NCOA7: variants seen among roughly 807,000 people sequenced by gnomAD.
NCOA7 encodes the protein 140 kDa estrogen receptor-associated protein.
A neutral mutation model predicts 104.3 loss-of-function variants in NCOA7; 45 were observed. The observed-to-expected ratio is 0.43, with a 90% confidence interval of 0.34 to 0.55. The LOEUF is 0.55. Among genes scored for constraint, NCOA7 ranks in the 20% least tolerant of loss-of-function variants. NCOA7 has a pLI of 0.02. For missense variants in NCOA7, 1,041 were observed against 1,119.7 expected (o/e 0.93, Z 1.00); for synonymous variants, 398 against 402.3 (o/e 0.99, Z 0.13).
rs750860957 is a variant in NCOA7 at position 125,928,262 on chromosome 6, G to A, written c.2693+15G>A. ...GGTGGTGGAGGGTAAGGTTTTTTTT[G>A]TTTTTGTTTTCTTATTGTTATTTTA... On this transcript the variant is annotated intron_variant, in intron 15 of 15. Transcript: ENST00000392477. 22 of 1,595,472 alleles carry A rather than the reference G, an allele frequency of 1.4e-5. No homozygotes were observed. In the Admixed American group the frequency reaches 2.9e-4, roughly 21 times the overall value.
chr6:125,842,022 G>T (rs958124686), intron 2 of NCOA7, among the ~76,000 whole-genome samples: 3 of 151,238 alleles, frequency 2.0e-5, no homozygotes, highest in Non-Finnish European at 4.4e-5. Flanking sequence ...AGCAATGTCA[G>T]ATTAATATAA....
At position 125,915,632 on chromosome 6, in the gene NCOA7, A is replaced by G. The variant is rs1306405721; in HGVS notation, c.2244+152A>G. 5.7e-6 allele frequency: 5 copies of G among 873,522 alleles called. No homozygotes were observed. The African/African-American group carries it at 6.8e-5, about 12-fold the overall frequency. The allele number at this position is 873,522 out of a possible 1,614,324, so 54.1% of individuals were successfully genotyped here. On this transcript the variant is annotated intron_variant, in intron 11 of 15. Transcript: ENST00000392477. ...AAATAACTTTATTCCTCCGTTTGAA[A>G]AAAAACACCACCACCAGCACCACCG...
intron 1 of NCOA7, among the ~76,000 whole-genome samples, chr6:125,797,685 A>G (rs528950216): frequency 1.3e-5 from 2 of 152,152 alleles, no homozygotes; most frequent in African/African-American, 2.4e-5. Context: ...TCACCCCTGC[A>G]GTATGGGATA....
chr6:125,873,456 T>A (rs1428083089), intron 3 of NCOA7, among the ~76,000 whole-genome samples: 1 of 152,244 alleles, frequency 6.6e-6, no homozygotes, highest in Non-Finnish European at 1.5e-5. Context: ...TTTTTCTTGA[T>A]GTAAACCTGT....
intron 1 of NCOA7, among the ~76,000 whole-genome samples, chr6:125,814,301 T>C (rs630312): frequency 0.7 from 106,899 of 152,036 alleles, 38,030 homozygotes; most frequent in East Asian, 0.92. Context: ...ACTGCAGGCG[T>C]GCACCACCAT....
At chr6:125,854,797 G>A (rs1334855210) in intron 2 of NCOA7, among the ~76,000 whole-genome samples, 2 of 152,104 alleles carry the variant, frequency 1.3e-5, no homozygotes, top group African/African-American at 4.8e-5. Context: ...ATGAGATATA[G>A]TATTGACTAT....
chr6:125,835,281 T>C (rs917546684), intron 2 of NCOA7, among the ~76,000 whole-genome samples: 1 of 152,172 alleles, frequency 6.6e-6, no homozygotes, highest in East Asian at 1.9e-4. Flanking sequence ...CATTTTTGTG[T>C]TGTTGGCATG....
chr6:125,859,439 T>G (rs1405955213), intron 3 of NCOA7, among the ~76,000 whole-genome samples: 1 of 152,124 alleles, frequency 6.6e-6, no homozygotes, highest in African/African-American at 2.4e-5. Context: ...ATCCAGTGAA[T>G]GCACAGAGAG....
At chr6:125,792,665 G>A (rs1774964545) in intron 1 of NCOA7, among the ~76,000 whole-genome samples, 1 of 151,840 alleles carries the variant, frequency 6.6e-6, no homozygotes, top group Admixed American at 6.6e-5. Context: ...AATTTAAACT[G>A]TTTTCTCCTC....
intron 2 of NCOA7, among the ~76,000 whole-genome samples, chr6:125,819,977 A>T (rs1017680996): frequency 7.2e-4 from 109 of 152,280 alleles, no homozygotes; most frequent in Non-Finnish European, 1.0e-4. Context: ...TTCCCCTCTG[A>T]TAAGGTGTGA....
At chr6:125,797,134 A>G (rs1424877056) in intron 1 of NCOA7, among the ~76,000 whole-genome samples, 1 of 152,144 alleles carries the variant, frequency 6.6e-6, no homozygotes, top group Non-Finnish European at 1.5e-5. Context: ...AAAGCCTCCA[A>G]ATAGGGTGTC....
At chr6:125,890,438 G>A (rs1281592313) in intron 9 of NCOA7, among the ~76,000 whole-genome samples, 1 of 152,152 alleles carries the variant, frequency 6.6e-6, no homozygotes, top group African/African-American at 2.4e-5. Flanking sequence ...CTCATGGGAT[G>A]TAGTTCAACC....
chr6:125,803,088 A>G (rs1776060695), intron 1 of NCOA7, among the ~76,000 whole-genome samples: 1 of 152,202 alleles, frequency 6.6e-6, no homozygotes. Flanking sequence ...GTGCTCTGAT[A>G]GAGAACATTT....
At chr6:125,803,473 C>T (rs1187179830) in intron 1 of NCOA7, among the ~76,000 whole-genome samples, 1 of 152,156 alleles carries the variant, frequency 6.6e-6, no homozygotes, top group Non-Finnish European at 1.5e-5. Context: ...GAAAATTACT[C>T]ATAAATATAT....
intron 2 of NCOA7, among the ~76,000 whole-genome samples, chr6:125,849,696 A>G (rs1780952080): frequency 6.6e-6 from 1 of 152,238 alleles, no homozygotes; most frequent in Non-Finnish European, 1.5e-5. Context: ...GGAGTGGGAA[A>G]GATAGGATTA....
intron 4 of NCOA7, among the ~76,000 whole-genome samples, chr6:125,875,911 C>G (rs1007550599): frequency 1.1e-4 from 17 of 152,258 alleles, no homozygotes; most frequent in Admixed American, 1.1e-3. Flanking sequence ...CACTGTGTGC[C>G]ATGTGCTCAT....
chr6:125,784,058 A>C (rs956830931), intron 1 of NCOA7, among the ~76,000 whole-genome samples: 2 of 152,240 alleles, frequency 1.3e-5, no homozygotes, highest in Non-Finnish European at 2.9e-5. Flanking sequence ...TAACTTGCCC[A>C]CAAGTGATTC....
intron 10 of NCOA7, among the ~76,000 whole-genome samples, chr6:125,909,470 CT>C (rs1786322720): frequency 6.6e-6 from 1 of 152,126 alleles, no homozygotes; most frequent in African/African-American, 2.4e-5. Flanking sequence ...GTCAGGTTAA[CT>C]TGTTGCAGTG....
chr6:125,805,084 G>GTTTT (rs1439957902), intron 1 of NCOA7, among the ~76,000 whole-genome samples: 2 of 66,616 alleles, frequency 3.0e-5, no homozygotes, highest in African/African-American at 5.5e-5. Flanking sequence ...TCACCCTCTT[G>GTTTT]TTCTTTTTTT....
Sources: gnomAD v4.1 joint callset for allele counts (sites outside exome capture counted in the v4.1 genomes callset) on GRCh38, gnomAD v4.1.1 for gene constraint, MANE v1.5 for transcripts, NCBI Gene and HGNC (gene_info 2026-07-23, HGNC 2026-07-21) for gene names.